CBFA2T2: variants seen among roughly 807,000 people sequenced by gnomAD.
CBFA2T2 encodes the protein protein CBFA2T2.
CBFA2T2 carries 11 observed loss-of-function variants against 62.2 expected under a neutral mutation model. The ratio of observed to expected loss-of-function variants is 0.18; its 90% CI spans 0.11 to 0.29. The LOEUF (loss-of-function observed/expected upper bound fraction) is 0.29. Ranked by LOEUF, CBFA2T2 falls within the 10% of genes least tolerant of loss-of-function variation. The probability of loss-of-function intolerance (pLI) is 1.00; values close to 1 mark genes in which losing one functional copy is unlikely to be tolerated. For synonymous variants in CBFA2T2, 295 were observed against 287.5 expected, an observed-to-expected ratio of 1.03 and a Z score of -0.27; for missense variants, 592 against 774.1, an observed-to-expected ratio of 0.76 and a Z score of 2.79.
intron 1 of CBFA2T2, among the ~76,000 whole-genome samples, chr20:33,542,305 T>G (rs1328533036): frequency 6.6e-6 from 1 of 152,224 alleles, no homozygotes. Flanking sequence ...GTAACTCTGC[T>G]AGAAGAACCA....
chr20:33,596,042 AAT>A (rs994449901), intron 1 of CBFA2T2, among the ~76,000 whole-genome samples: 4 of 152,214 alleles, frequency 2.6e-5, no homozygotes, highest in African/African-American at 9.7e-5. Flanking sequence ...ACTATTCAAG[AAT>A]ATAAATCTCT....
At position 33,640,450 on chromosome 20, in the gene CBFA2T2, G is replaced by A. The variant is rs2122390132; in HGVS notation, c.1407G>A (p.Met469Ile). Residue 469 changes from methionine to isoleucine, a missense_variant, in exon 10 of 11, where the codon ATG becomes ATA. By Grantham distance (10) the Met-to-Ile change is conservative. This residue lies in a region of CBFA2T2 where 58 missense variants were observed against 123.9 expected (regional missense o/e 0.47). Transcript: ENST00000342704. ...FEVIATERAR[M>I]EQTIADVKRQ... ...TGATTGCAACAGAGAGAGCACGAAT[G>A]GAGCAAACCATAGCGGATGTCAAGC... is the stretch of plus-strand genomic sequence containing the variant. The A allele has an allele frequency of 6.2e-7, 1 of 1,614,268 alleles. No individual in the cohort carries two copies. The highest frequency in any genetic ancestry group is 1.3e-5 in the African/African-American group (1 of 75,066).
chr20:33,498,378 A>G (rs1303383962), intron 1 of CBFA2T2, among the ~76,000 whole-genome samples: 3 of 151,458 alleles, frequency 2.0e-5, no homozygotes, highest in Admixed American at 2.0e-4. Context: ...CAGCTTCCCA[A>G]GTCGCTGGGT....
intron 1 of CBFA2T2, among the ~76,000 whole-genome samples, chr20:33,536,701 C>G (rs935195102): frequency 7.6e-6 from 1 of 132,420 alleles, no homozygotes; most frequent in Non-Finnish European, 1.6e-5. Context: ...CAGACGGGGT[C>G]GCAGCCGGGT....
intron 1 of CBFA2T2, among the ~76,000 whole-genome samples, chr20:33,564,037 C>T (rs1187471901): frequency 3.3e-5 from 5 of 152,134 alleles, no homozygotes; most frequent in Admixed American, 6.6e-5. Context: ...CCCCCCACTC[C>T]GCGACCTCCC....
rs1296864578 is a variant in CBFA2T2, at chr20:33,490,122, C to CGGT, written c.-138_-136dup. On this transcript the variant is annotated 5_prime_UTR_variant, in exon 1 of 11. Coordinates refer to ENST00000342704, the MANE Select transcript of CBFA2T2 (RefSeq NM_001032999.3). ...GCGGCGGCGGCGACGGCGACAGCAGCGGTGGTGGTGTCTGGTTAGCTCGGC... is the reference window on the plus strand; with the variant it reads ...GCGGCGGCGGCGACGGCGACAGCAGCGGTGGTGGTGGTGTCTGGTTAGCTCGGC... 4.7e-5 allele frequency: 37 copies of CGGT among 787,528 alleles called. No homozygotes were observed. The highest frequency in any genetic ancestry group is 5.8e-5 in the Non-Finnish European group (35 of 605,630). 48.8% of individuals were successfully genotyped at this position (787,528 alleles called of 1,614,324 possible). A position where few individuals can be genotyped will look rare whatever the true frequency, so the allele number is the denominator to read the frequency against.
rs1287028496 is a variant in CBFA2T2, at chr20:33,646,070, CT to C, written c.*1426del. ...CCAGGCTGGAGTGCAGTGGCATGAT[CT>C]TGGCTCACTGCAACCTCTGCCTTCC... On this transcript the variant is annotated 3_prime_UTR_variant, in exon 11 of 11. Coordinates refer to ENST00000342704, the MANE Select transcript of CBFA2T2 (RefSeq NM_001032999.3). 1 of 152,174 alleles carries C rather than the reference CT, an allele frequency of 6.6e-6. No homozygotes were observed. The highest frequency in any genetic ancestry group is 2.4e-5 in the African/African-American group (1 of 41,424). The allele number at this position is 152,174 out of a possible 1,614,324, so 9.4% of individuals were successfully genotyped here.
intron 1 of CBFA2T2, among the ~76,000 whole-genome samples, chr20:33,505,016 G>A (rs2011376830): frequency 6.6e-6 from 1 of 152,130 alleles, no homozygotes; most frequent in South Asian, 2.1e-4. Context: ...ACTACCATTT[G>A]TGTATCAGAA....
At chr20:33,540,085 GT>G in intron 1 of CBFA2T2, among the ~76,000 whole-genome samples, 1 of 152,280 alleles carries the variant, frequency 6.6e-6, no homozygotes, top group East Asian at 1.9e-4. Flanking sequence ...TAAGAGAACA[GT>G]AATTAACTTT....
intron 1 of CBFA2T2, among the ~76,000 whole-genome samples, chr20:33,594,958 C>T (rs2014822442): frequency 6.6e-6 from 1 of 152,186 alleles, no homozygotes; most frequent in African/African-American, 2.4e-5. Context: ...GAGTAGATAA[C>T]TATATTATTC....
At chr20:33,616,295 G>T (rs1462842197) in intron 3 of CBFA2T2, among the ~76,000 whole-genome samples, 1 of 152,130 alleles carries the variant, frequency 6.6e-6, no homozygotes. Flanking sequence ...TGATATGGTT[G>T]TCACTATATG....
intron 1 of CBFA2T2, among the ~76,000 whole-genome samples, chr20:33,600,060 C>A (rs1195153268): frequency 6.6e-6 from 1 of 152,036 alleles, no homozygotes; most frequent in Non-Finnish European, 1.5e-5. Flanking sequence ...GGTAAATGCT[C>A]ATCCTTAAGC....
intron 1 of CBFA2T2, chr20:33,574,275 A>G: frequency 6.2e-7 from 1 of 1,610,046 alleles, no homozygotes; most frequent in Non-Finnish European, 8.5e-7. Context: ...TGTGTGAAAC[A>G]TTCATTTCTA....
chr20:33,575,487 T>C (rs1198395720), intron 1 of CBFA2T2, among the ~76,000 whole-genome samples: 1 of 152,192 alleles, frequency 6.6e-6, no homozygotes. Context: ...CTCTCTGGCG[T>C]TGGTCCCTGG....
At chr20:33,536,865 A>T (rs1057475613) in intron 1 of CBFA2T2, among the ~76,000 whole-genome samples, 10 of 125,582 alleles carry the variant, frequency 8.0e-5, no homozygotes, top group African/African-American at 3.1e-4. Flanking sequence ...CTGGGCAGAG[A>T]CGCTCCTCAC....
chr20:33,595,124 T>C (rs777746243), intron 1 of CBFA2T2, among the ~76,000 whole-genome samples: 20 of 152,278 alleles, frequency 1.3e-4, no homozygotes, highest in Non-Finnish European at 2.5e-4. Context: ...GTTGAAATAA[T>C]TAGCATTGGA....
In CBFA2T2 at chr20:33,558,994, G is replaced by A. The variant is rs77010276; in HGVS notation, c.35-47962G>A. Among the ~76,000 whole-genome samples, 639 of 152,106 alleles carry A rather than the reference G, an allele frequency of 4.2e-3. 4 individuals carry two copies. Among genetic ancestry groups the A allele is most frequent in the African/African-American group, 0.014 (593 of 41,482 alleles). ...AACTATTTGTTTAACTAGATGTACA[G>A]TTCATATAGGAAAGACAGATGAAAT... On this transcript the variant is annotated intron_variant, in intron 1 of 10. Coordinates refer to ENST00000342704, the MANE Select transcript of CBFA2T2 (RefSeq NM_001032999.3).
chr20:33,566,301 G>A (rs908557971), intron 1 of CBFA2T2, among the ~76,000 whole-genome samples: 2 of 151,942 alleles, frequency 1.3e-5, no homozygotes, highest in Non-Finnish European at 2.9e-5. Context: ...ATCTCATAGA[G>A]GAGATAAAGT....
intron 10 of CBFA2T2, among the ~76,000 whole-genome samples, chr20:33,643,824 A>AAT (rs2016948622): frequency 2.5e-5 from 1 of 39,368 alleles, no homozygotes; most frequent in South Asian, 7.4e-4. Context: ...TATAGTATAT[A>AAT]ATGTGTGTGT....
Sources: allele counts gnomAD v4.1 joint callset (sites outside exome capture counted in the v4.1 genomes callset), GRCh38; gene constraint gnomAD v4.1.1; regional missense constraint gnomAD v4.1.1; transcripts MANE v1.5; gene names NCBI Gene and HGNC (gene_info 2026-07-23, HGNC 2026-07-21).